Variants in DPP10 observed in about 807,000 individuals in gnomAD.
The protein encoded by DPP10 is inactive dipeptidyl peptidase 10.
DPP10 carries 33 observed loss-of-function variants against 120.9 expected under a neutral mutation model. That is an observed-to-expected ratio of 0.27 (90% CI 0.21 to 0.37). DPP10 has a LOEUF of 0.37. Ranked by LOEUF, DPP10 falls within the 10% of genes least tolerant of loss-of-function variation. The pLI is 1.00. For missense variants in DPP10, 816 were observed against 942.8 expected (o/e 0.87, Z 1.76); for synonymous variants, 337 against 326.1 (o/e 1.03, Z -0.36).
At chr2:115,372,737 T>A (rs996387766) in intron 3 of DPP10, among the ~76,000 whole-genome samples, 1 of 152,192 alleles carries the variant, frequency 6.6e-6, no homozygotes, top group Non-Finnish European at 1.5e-5. Context: ...AGTAAACACA[T>A]AACCATCACT....
At chr2:115,082,730 A>AC (rs1328824898) in intron 1 of DPP10, among the ~76,000 whole-genome samples, 10 of 152,184 alleles carry the variant, frequency 6.6e-5, no homozygotes, top group African/African-American at 2.4e-4. Context: ...CTACCAGCTA[A>AC]CTACAGATGC....
intron 1 of DPP10, among the ~76,000 whole-genome samples, chr2:114,839,470 A>T (rs1687988212): frequency 6.6e-6 from 1 of 152,208 alleles, no homozygotes; most frequent in Non-Finnish European, 1.5e-5. Flanking sequence ...TAATAAAGCC[A>T]TCTGAAGAAT....
intron 21 of DPP10, among the ~76,000 whole-genome samples, chr2:115,819,644 T>C (rs1189600116): frequency 2.0e-5 from 3 of 152,008 alleles, no homozygotes; most frequent in Non-Finnish European, 4.4e-5. Flanking sequence ...ATACATTTTT[T>C]CATCAATTAT....
intron 8 of DPP10, among the ~76,000 whole-genome samples, chr2:115,734,853 T>G (rs2092997858): frequency 6.6e-6 from 1 of 151,962 alleles, no homozygotes; most frequent in Admixed American, 6.6e-5. Context: ...AGGTGGCACG[T>G]TCAAAAGGGA....
At chr2:115,107,908 A>G (rs536577420) in intron 1 of DPP10, among the ~76,000 whole-genome samples, 1 of 152,308 alleles carries the variant, frequency 6.6e-6, no homozygotes, top group Non-Finnish European at 1.5e-5. Context: ...TGAAGGGAAA[A>G]GACATCAAAT....
At chr2:115,287,544 T>C (rs2105908060) in intron 1 of DPP10, among the ~76,000 whole-genome samples, 1 of 152,226 alleles carries the variant, frequency 6.6e-6, no homozygotes, top group East Asian at 1.9e-4. Context: ...GAATGTGCAG[T>C]ATTGGTTTTC....
chr2:115,362,427 A>G (rs1458259600), intron 3 of DPP10, among the ~76,000 whole-genome samples: 1 of 152,210 alleles, frequency 6.6e-6, no homozygotes, highest in Non-Finnish European at 1.5e-5. Flanking sequence ...GTTCAAGAAC[A>G]CAGAGATAAA....
intron 2 of DPP10, among the ~76,000 whole-genome samples, chr2:115,327,371 AATTTCACTAATG>A (rs2062430489): frequency 6.6e-6 from 1 of 152,064 alleles, no homozygotes; most frequent in Non-Finnish European, 1.5e-5. Flanking sequence ...AATCATGATG[AATTTCACTAATG>A]ATTTCACTAG....
chr2:115,113,642 C>T (rs748080120), intron 1 of DPP10, among the ~76,000 whole-genome samples: 2 of 152,052 alleles, frequency 1.3e-5, no homozygotes, highest in African/African-American at 2.4e-5. Flanking sequence ...TTCCAGTATT[C>T]GCCATATTAT....
chr2:114,968,537 C>T (rs923163069), intron 1 of DPP10, among the ~76,000 whole-genome samples: 1 of 152,036 alleles, frequency 6.6e-6, no homozygotes, highest in Non-Finnish European at 1.5e-5. Flanking sequence ...TAAGATATTC[C>T]AAAGTAAAGT....
intron 1 of DPP10, among the ~76,000 whole-genome samples, chr2:114,570,409 T>A (rs1455787995): frequency 6.6e-6 from 1 of 152,136 alleles, no homozygotes; most frequent in African/African-American, 2.4e-5. Context: ...ATCTAGAAGC[T>A]GTCTGACTAG....
intron 7 of DPP10, among the ~76,000 whole-genome samples, chr2:115,717,901 T>C (rs2092544958): frequency 6.6e-6 from 1 of 152,196 alleles, no homozygotes; most frequent in South Asian, 2.1e-4. Flanking sequence ...TATCTGGATT[T>C]TGTCTTATGG....
intron 1 of DPP10, among the ~76,000 whole-genome samples, chr2:115,190,915 C>A (rs1211250479): frequency 6.6e-6 from 1 of 152,134 alleles, no homozygotes; most frequent in Non-Finnish European, 1.5e-5. Flanking sequence ...AATTTTTAAC[C>A]TCTACAGAAA....
intron 1 of DPP10, among the ~76,000 whole-genome samples, chr2:115,287,416 T>C (rs1349276456): frequency 1.3e-5 from 2 of 152,060 alleles, no homozygotes; most frequent in African/African-American, 4.8e-5. Flanking sequence ...TTGTATTCAA[T>C]AGGTAATTTT....
intron 1 of DPP10, among the ~76,000 whole-genome samples, chr2:115,112,507 A>T (rs765016352): frequency 6.6e-6 from 1 of 152,118 alleles, no homozygotes; most frequent in Non-Finnish European, 1.5e-5. Context: ...TGAATGGCTA[A>T]CTCCTGCTAA....
intron 1 of DPP10, among the ~76,000 whole-genome samples, chr2:115,239,454 G>T (rs912560543): frequency 1.3e-5 from 2 of 152,294 alleles, no homozygotes; most frequent in Admixed American, 6.5e-5. Context: ...AGCAAGGCAA[G>T]TTCCTCCACC....
intron 1 of DPP10, among the ~76,000 whole-genome samples, chr2:115,041,332 C>G (rs889997914): frequency 3.3e-5 from 5 of 151,982 alleles, no homozygotes; most frequent in Non-Finnish European, 7.4e-5. Context: ...GGATACGAAC[C>G]CTGCTCACAT....
chr2:115,232,028 C>A (rs2057759199), intron 1 of DPP10, among the ~76,000 whole-genome samples: 1 of 152,182 alleles, frequency 6.6e-6, no homozygotes, highest in African/African-American at 2.4e-5. Flanking sequence ...TCCTCTCCAG[C>A]CTTTCTCATT....
chr2:115,247,645 G>A (rs1469152454), intron 1 of DPP10, among the ~76,000 whole-genome samples: 1 of 152,082 alleles, frequency 6.6e-6, no homozygotes, highest in Non-Finnish European at 1.5e-5. Flanking sequence ...AGTCAGTGGT[G>A]TCTTGCATTG....
Sources: gnomAD v4.1 joint callset for allele counts (sites outside exome capture counted in the v4.1 genomes callset) on GRCh38, gnomAD v4.1.1 for gene constraint, MANE v1.5 for transcripts, NCBI Gene and HGNC (gene_info 2026-07-23, HGNC 2026-07-21) for gene names.